The following KCNQ1 variants were observed in gnomAD, a reference collection of about 807,000 sequenced individuals.
KCNQ1 encodes potassium voltage-gated channel subfamily Q member 1.
Under a neutral mutation model 72.4 loss-of-function variants are expected in KCNQ1, and 49 were observed. The ratio of observed to expected loss-of-function variants is 0.68; its 90% CI spans 0.54 to 0.86. KCNQ1 has a LOEUF of 0.86. Among genes scored for constraint, KCNQ1 ranks in the 40% least tolerant of loss-of-function variants. The pLI is 0.00. For synonymous variants in KCNQ1, 450 were observed against 412.6 expected (o/e 1.09, Z -1.10); for missense variants, 790 against 945.1 (o/e 0.84, Z 2.15).
At position 2,475,611 on chromosome 11, in the gene KCNQ1, A is replaced by G. The variant is rs898041330; in HGVS notation, c.386+30127A>G. On this transcript the variant is annotated intron_variant, in intron 1 of 15. Transcript: ENST00000155840. The surrounding 1 kb of genome is among the most constrained non-coding windows in gnomAD (Gnocchi z 5.8). ...GGAGGGCGATTCTAAATGGCTGGAGACATAGTCAGCTGTGAAGCTGTAACT... is the reference window on the plus strand; with the variant it reads ...GGAGGGCGATTCTAAATGGCTGGAGGCATAGTCAGCTGTGAAGCTGTAACT... Among the ~76,000 whole-genome samples the G allele has an allele frequency of 3.9e-5, 6 of 152,154 alleles. No individual in the cohort carries two copies. The highest frequency in any genetic ancestry group is 1.4e-4 in the African/African-American group (6 of 41,420).
intron 11 of KCNQ1, among the ~76,000 whole-genome samples, chr11:2,742,257 G>A (rs1481319606): frequency 6.6e-6 from 1 of 152,236 alleles, no homozygotes; most frequent in Non-Finnish European, 1.5e-5. Flanking sequence ...GCCAGAATCA[G>A]CCTCTATGAG....
At chr11:2,573,120 C>A in intron 6 of KCNQ1, 134 bp downstream of exon 6, 1 of 1,097,952 alleles carries the variant, frequency 9.1e-7, no homozygotes. Flanking sequence ...AGGCCTCTGT[C>A]CACAAACCTG....
At chr11:2,708,243 G>A (rs1333678444) in intron 11 of KCNQ1, among the ~76,000 whole-genome samples, 2 of 152,212 alleles carry the variant, frequency 1.3e-5, no homozygotes, top group Non-Finnish European at 2.9e-5. Flanking sequence ...AGCCGCTTTG[G>A]AGACTTGACT....
chr11:2,561,714 C>T (rs1848169728), intron 2 of KCNQ1, among the ~76,000 whole-genome samples: 1 of 152,238 alleles, frequency 6.6e-6, no homozygotes, highest in Non-Finnish European at 1.5e-5. Context: ...GGACAAGGGG[C>T]TCTCAGGGGG....
In KCNQ1 at chr11:2,612,073, C is replaced by G. The variant is rs1291569676; in HGVS notation, c.1393+23219C>G. ...ATATGTTACAACTTAATTACACATA[C>G]ATTGTTACACATCCTGTTAGGACAG... On this transcript the variant is annotated intron_variant, in intron 10 of 15. Transcript: ENST00000155840. This position sits in a 1 kb window ranked among gnomAD's most constrained non-coding sequence, Gnocchi z 5.5. 2.5e-6 allele frequency: 1 copy of G among 398,470 alleles called. No individual in the cohort carries two copies. Among genetic ancestry groups the G allele is most frequent in the East Asian group, 3.6e-5 (1 of 28,084 alleles). The allele number at this position is 398,470 out of a possible 1,614,324, so 24.7% of individuals were successfully genotyped here.
chr11:2,641,092 A>C (rs1445696953), intron 10 of KCNQ1: 2 of 398,384 alleles, frequency 5.0e-6, no homozygotes, highest in Non-Finnish European at 8.8e-6. Flanking sequence ...TCCTGAGTCC[A>C]TATCTTTGCT....
chr11:2,506,260 G>A (rs919585413), intron 1 of KCNQ1, among the ~76,000 whole-genome samples: 1 of 152,042 alleles, frequency 6.6e-6, no homozygotes, highest in Non-Finnish European at 1.5e-5. Context: ...TTATTCTTTT[G>A]CATGTAGATA....
At position 2,720,929 on chromosome 11, in the gene KCNQ1, C is replaced by G. The variant is rs891882317; in HGVS notation, c.1515-47915C>G. Among the ~76,000 whole-genome samples, 2 of 152,112 alleles carry G rather than the reference C, an allele frequency of 1.3e-5. No individual in the cohort carries two copies. Among genetic ancestry groups the G allele is most frequent in the Non-Finnish European group, 2.9e-5 (2 of 68,026 alleles). On this transcript the variant is annotated intron_variant, in intron 11 of 15. Coordinates refer to ENST00000155840, the MANE Select transcript of KCNQ1 (RefSeq NM_000218.3). This position sits in a 1 kb window ranked among gnomAD's most constrained non-coding sequence, Gnocchi z 5.1. Reference sequence around the variant, plus strand: ...CTACCTGAGGGAGATGAGGTTGTTCCCAGGGTTTCCTCATCCCAGGGGCTC... The same window carrying G: ...CTACCTGAGGGAGATGAGGTTGTTCGCAGGGTTTCCTCATCCCAGGGGCTC...
intron 11 of KCNQ1, chr11:2,689,664 A>T (rs1850557222): frequency 5.0e-6 from 2 of 398,690 alleles, no homozygotes; most frequent in East Asian, 7.1e-5. Context: ...GCCTCCTGAG[A>T]GGGCCAGGGC....
At chr11:2,717,519 A>G (rs1414041958) in intron 11 of KCNQ1, among the ~76,000 whole-genome samples, 1 of 152,136 alleles carries the variant, frequency 6.6e-6, no homozygotes, top group East Asian at 1.9e-4. Context: ...GAACCTTTTA[A>G]TGAAAGTGCC....
Position 2,715,819 on chromosome 11 carries a change from C to G in KCNQ1, c.1515-53025C>G, listed in dbSNP as rs922262369. On this transcript the variant is annotated intron_variant, in intron 11 of 15. Coordinates refer to ENST00000155840, the MANE Select transcript of KCNQ1 (RefSeq NM_000218.3). This position sits in a 1 kb window ranked among gnomAD's most constrained non-coding sequence, Gnocchi z 4.9. ...GCCCCGCATCCCACATCCCCGCAGC[C>G]TTGCGCTGGTCTAAATGCCTCCCAG... Among the ~76,000 whole-genome samples the G allele has an allele frequency of 2.2e-4, 33 of 152,244 alleles. No homozygotes were observed. Among genetic ancestry groups the G allele is most frequent in the African/African-American group, 7.0e-4 (29 of 41,468 alleles).
intron 11 of KCNQ1, among the ~76,000 whole-genome samples, chr11:2,727,632 G>C (rs568994906): frequency 6.6e-6 from 1 of 152,252 alleles, no homozygotes; most frequent in South Asian, 2.1e-4. Context: ...TCCTGCCAGG[G>C]GTCCAGTTGG....
In KCNQ1 at chr11:2,661,332, C is replaced by G. The variant is rs1327988692; in HGVS notation, c.1394-629C>G. 2.5e-6 allele frequency: 1 copy of G among 404,508 alleles called. No individual in the cohort carries two copies. The highest frequency in any genetic ancestry group is 4.4e-6 in the Non-Finnish European group (1 of 229,192). 25.1% of individuals were successfully genotyped at this position (404,508 alleles called of 1,614,324 possible). A position where few individuals can be genotyped will look rare whatever the true frequency, so the allele number is the denominator to read the frequency against. On this transcript the variant is annotated intron_variant, in intron 10 of 15. Transcript: ENST00000155840. This position sits in a 1 kb window ranked among gnomAD's most constrained non-coding sequence, Gnocchi z 5.9. ...AGTGGGGAGTGATAAGGATCAGTATCCTGAGCTCCTGTGTCAAAGTTGCAG... is the reference window on the plus strand; with the variant it reads ...AGTGGGGAGTGATAAGGATCAGTATGCTGAGCTCCTGTGTCAAAGTTGCAG...
chr11:2,587,679 AG>A lies in KCNQ1; in HGVS notation c.1239del (p.Lys414SerfsTer5), dbSNP rs778786253. 2.5e-6 allele frequency: 4 copies of A among 1,613,710 alleles called. No homozygotes were observed. In the Admixed American group the frequency reaches 6.7e-5, roughly 27 times the overall value. Reference protein sequence around the residue: ...HTLLSPSPKPKKSVVVKKKKF... With the variant: ...HTLLSPSPKPXKSVVVKKKKF... Reference sequence around the variant, plus strand: ...CTGCTGTCACCCAGCCCCAAACCCAAGAAGTCTGTGGTGGTGAGTAGCCCAC... The same window carrying A: ...CTGCTGTCACCCAGCCCCAAACCCAAAAGTCTGTGGTGGTGAGTAGCCCAC... On this transcript the variant is annotated frameshift_variant, in exon 9 of 16. Coordinates refer to ENST00000155840, the MANE Select transcript of KCNQ1 (RefSeq NM_000218.3). LOFTEE classifies it high-confidence loss of function.
intron 12 of KCNQ1, among the ~76,000 whole-genome samples, chr11:2,773,039 G>A (rs1003633904): frequency 7.2e-5 from 11 of 152,206 alleles, no homozygotes; most frequent in Non-Finnish European, 1.6e-4. Context: ...AGGATTCCCT[G>A]ACCTTTCTCA....
In KCNQ1 at chr11:2,722,749, A is replaced by G. The variant is rs978337068; in HGVS notation, c.1515-46095A>G. 7.2e-5 allele frequency among the ~76,000 whole-genome samples: 11 copies of G among 152,094 alleles called. No homozygotes were observed. In the South Asian group the frequency reaches 1.0e-3, roughly 14 times the overall value. On this transcript the variant is annotated intron_variant, in intron 11 of 15. Transcript: ENST00000155840. Reference sequence around the variant, plus strand: ...CCTCTTGGAACTTAGTGAGGTGGCTAAGCTGCCCCTAGATAGCTGTGCCCT... The same window carrying G: ...CCTCTTGGAACTTAGTGAGGTGGCTGAGCTGCCCCTAGATAGCTGTGCCCT...
Position 2,813,052 on chromosome 11 carries a change from G to C in KCNQ1, c.1795-34715G>C, listed in dbSNP as rs1244221867. 6.6e-6 allele frequency among the ~76,000 whole-genome samples: 1 copy of C among 152,264 alleles called. No homozygotes were observed. The highest frequency in any genetic ancestry group is 1.5e-5 in the Non-Finnish European group (1 of 68,046). On this transcript the variant is annotated intron_variant, in intron 15 of 15. Transcript: ENST00000155840. This position sits in a 1 kb window ranked among gnomAD's most constrained non-coding sequence, Gnocchi z 4.4. ...GTGGCCTGGCTCTCCAGCTGGAACA[G>C]AAGCTCTGAGAAGACAGAGCTGGCC...
At chr11:2,696,584 A>G (rs1850680229) in intron 11 of KCNQ1, 1 of 398,664 alleles carries the variant, frequency 2.5e-6, no homozygotes, top group East Asian at 3.6e-5. Context: ...TATGTTTGTT[A>G]AATTACTCAA....
chr11:2,545,910 T>C (rs540867861), intron 2 of KCNQ1, among the ~76,000 whole-genome samples: 5 of 152,320 alleles, frequency 3.3e-5, no homozygotes, highest in Non-Finnish European at 7.4e-5. Context: ...CTTTCTTTGT[T>C]AGTGTAATCA....
Sources: allele counts gnomAD v4.1 joint callset (sites outside exome capture counted in the v4.1 genomes callset), GRCh38; gene constraint gnomAD v4.1.1; non-coding constraint Gnocchi (gnomAD v3.1); transcripts MANE v1.5; gene names NCBI Gene and HGNC (gene_info 2026-07-23, HGNC 2026-07-21).